The following CNTN5 variants were observed in gnomAD, a reference collection of about 807,000 sequenced individuals.
CNTN5 encodes contactin-5.
In CNTN5, 77 loss-of-function variants were observed where a neutral mutation model predicts 129.1. That is an observed-to-expected ratio of 0.60 (90% CI 0.50 to 0.72). The LOEUF (loss-of-function observed/expected upper bound fraction) is 0.72. CNTN5 is among the 30% of genes least tolerant of loss of function. The pLI, the probability that CNTN5 is intolerant of heterozygous loss-of-function variation, is 0.00. For synonymous variants in CNTN5, 509 were observed against 465.6 expected, an observed-to-expected ratio of 1.09 and a Z score of -1.20; for missense variants, 1,478 against 1,328.8, an observed-to-expected ratio of 1.11 and a Z score of -1.75.
At chr11:100,250,289 T>C (rs1362010721) in intron 16 of CNTN5, among the ~76,000 whole-genome samples, 1 of 152,146 alleles carries the variant, frequency 6.6e-6, no homozygotes, top group African/African-American at 2.4e-5. Context: ...AATATAATTA[T>C]ATTTTAAAAC....
intron 3 of CNTN5, among the ~76,000 whole-genome samples, chr11:99,644,165 C>CTG (rs938886331): frequency 4.0e-5 from 6 of 151,518 alleles, no homozygotes; most frequent in African/African-American, 1.5e-4. Context: ...AAAAGACTGT[C>CTG]TCTAGCGTAG....
chr11:99,939,624 A>AT (rs71463598), intron 7 of CNTN5, among the ~76,000 whole-genome samples: 13 of 151,882 alleles, frequency 8.6e-5, no homozygotes, highest in African/African-American at 2.9e-4. Flanking sequence ...CCAAATATTT[A>AT]TTTTTTTAAT....
At chr11:100,284,488 T>G (rs1950722199) in intron 18 of CNTN5, among the ~76,000 whole-genome samples, 1 of 152,214 alleles carries the variant, frequency 6.6e-6, no homozygotes, top group Non-Finnish European at 1.5e-5. Flanking sequence ...ATGTAAATAC[T>G]TTCTCTATTA....
chr11:99,646,208 G>T (rs915988825), intron 3 of CNTN5, among the ~76,000 whole-genome samples: 10 of 152,028 alleles, frequency 6.6e-5, no homozygotes, highest in African/African-American at 2.4e-4. Context: ...ATCACTGCCT[G>T]GAATAAAAAA....
At chr11:100,110,491 T>G (rs948072020) in intron 13 of CNTN5, among the ~76,000 whole-genome samples, 3 of 152,268 alleles carry the variant, frequency 2.0e-5, no homozygotes, top group Middle Eastern at 3.4e-3. Flanking sequence ...TACATTTCAG[T>G]TCATGAATGA....
At chr11:100,033,873 G>A (rs1941845440) in intron 9 of CNTN5, among the ~76,000 whole-genome samples, 1 of 152,122 alleles carries the variant, frequency 6.6e-6, no homozygotes, top group South Asian at 2.1e-4. Flanking sequence ...ATAATTGAAA[G>A]TCTCGGACAA....
intron 6 of CNTN5, among the ~76,000 whole-genome samples, chr11:99,858,638 T>G (rs1341756437): frequency 1.5e-5 from 2 of 134,570 alleles, no homozygotes; most frequent in Non-Finnish European, 3.4e-5. Flanking sequence ...AAAGTTTTAT[T>G]CATCTAATTT....
chr11:99,894,037 G>T (rs1190498806), intron 6 of CNTN5, among the ~76,000 whole-genome samples: 2 of 151,846 alleles, frequency 1.3e-5, no homozygotes, highest in East Asian at 3.9e-4. Context: ...TATCCTTAAT[G>T]CCAGCTGGTG....
intron 1 of CNTN5, among the ~76,000 whole-genome samples, chr11:99,230,063 T>C (rs1860907753): frequency 6.6e-6 from 1 of 152,142 alleles, no homozygotes; most frequent in South Asian, 2.1e-4. Flanking sequence ...TCTTGTGTGA[T>C]TGATTTCTGT....
At chr11:99,384,156 G>A (rs776311092) in intron 2 of CNTN5, among the ~76,000 whole-genome samples, 4 of 151,864 alleles carry the variant, frequency 2.6e-5, no homozygotes, top group Non-Finnish European at 5.9e-5. Flanking sequence ...TTTTTACAAG[G>A]CAAAGCTATA....
chr11:99,390,051 A>G (rs12289404), intron 2 of CNTN5, among the ~76,000 whole-genome samples: 5,125 of 152,290 alleles, frequency 0.034, 283 homozygotes, highest in African/African-American at 0.12. Flanking sequence ...CCTGACATAT[A>G]GTAGGTATAT....
At chr11:99,510,197 G>T (rs1946782445) in intron 2 of CNTN5, among the ~76,000 whole-genome samples, 1 of 151,908 alleles carries the variant, frequency 6.6e-6, no homozygotes, top group Non-Finnish European at 1.5e-5. Flanking sequence ...ACAAAATGGG[G>T]CAACAAGTAT....
At chr11:99,624,508 G>A (rs538882885) in intron 3 of CNTN5, among the ~76,000 whole-genome samples, 4 of 152,082 alleles carry the variant, frequency 2.6e-5, no homozygotes, top group Non-Finnish European at 5.9e-5. Flanking sequence ...AGATGAGGTG[G>A]TGGGTTTTGA....
Position 100,297,647 on chromosome 11 carries a change from T to A in CNTN5, c.2337T>A (p.Asn779Lys). 6.2e-7 allele frequency: 1 copy of A among 1,606,612 alleles called. No individual in the cohort carries two copies. The highest frequency in any genetic ancestry group is 8.5e-7 in the Non-Finnish European group (1 of 1,175,616). ...CAGTTCCGAAGACAGCACCCACCAA[T>A]GTAAGCGGAAGAAGTGGAAGAAGGC... ...NEAVPKTAPT[N>K]VSGRSGRRHE... Residue 779 changes from asparagine to lysine, a missense_variant, in exon 19 of 25, where the codon AAT becomes AAA. Physicochemically the swap from Asn to Lys is moderately conservative, Grantham distance 94 (BLOSUM62 0). Transcript: ENST00000524871.
chr11:99,407,124 T>G (rs1234552016), intron 2 of CNTN5, among the ~76,000 whole-genome samples: 1 of 152,116 alleles, frequency 6.6e-6, no homozygotes, highest in Non-Finnish European at 1.5e-5. Context: ...GCAATAGTAG[T>G]TTTGCCCCAT....
chr11:99,631,392 G>T (rs1200885395), intron 3 of CNTN5, among the ~76,000 whole-genome samples: 1 of 151,494 alleles, frequency 6.6e-6, no homozygotes, highest in East Asian at 1.9e-4. Flanking sequence ...GCACTTTCAG[G>T]GTACTTAACA....
chr11:100,294,161 T>G (rs1202569350), intron 18 of CNTN5, among the ~76,000 whole-genome samples: 1 of 151,660 alleles, frequency 6.6e-6, no homozygotes, highest in South Asian at 2.1e-4. Flanking sequence ...AAGCGCTTAC[T>G]GTAATATAAA....
chr11:99,344,995 G>A (rs1045436935), intron 2 of CNTN5, among the ~76,000 whole-genome samples: 2 of 152,124 alleles, frequency 1.3e-5, no homozygotes, highest in African/African-American at 4.8e-5. Flanking sequence ...TGAAGGGCCT[G>A]TGATGGAACA....
intron 6 of CNTN5, among the ~76,000 whole-genome samples, chr11:99,855,455 T>C (rs1307442373): frequency 6.6e-6 from 1 of 152,178 alleles, no homozygotes; most frequent in Non-Finnish European, 1.5e-5. Context: ...CTAAACTCTA[T>C]ATAGTCCTCA....
Sources: gnomAD v4.1 joint callset for allele counts (sites outside exome capture counted in the v4.1 genomes callset) on GRCh38, gnomAD v4.1.1 for gene constraint, MANE v1.5 for transcripts, NCBI Gene and HGNC (gene_info 2026-07-23, HGNC 2026-07-21) for gene names.